NKAIN2: variants seen among roughly 807,000 people sequenced by gnomAD.
NKAIN2 encodes sodium/potassium transporting ATPase interacting 2, also known as sodium/potassium-transporting ATPase subunit beta-1-interacting protein 2.
In NKAIN2, 14 loss-of-function variants were observed where a neutral mutation model predicts 32.6. The ratio of observed to expected loss-of-function variants is 0.43; its 90% CI spans 0.28 to 0.67. NKAIN2 has a LOEUF of 0.67. Ranked by LOEUF, NKAIN2 falls within the 30% of genes least tolerant of loss-of-function variation. The pLI, the probability that NKAIN2 is intolerant of heterozygous loss-of-function variation, is 0.17. For missense variants in NKAIN2, 198 were observed against 258.3 expected (o/e 0.77, Z 1.60); for synonymous variants, 80 against 87.2 (o/e 0.92, Z 0.46).
At chr6:124,520,833 C>T (rs1779092180) in intron 3 of NKAIN2, among the ~76,000 whole-genome samples, 1 of 152,166 alleles carries the variant, frequency 6.6e-6, no homozygotes, top group African/African-American at 2.4e-5. Flanking sequence ...TATATATGCC[C>T]TTTGTTGGCA....
At chr6:124,291,722 C>T (rs985396818) in intron 2 of NKAIN2, among the ~76,000 whole-genome samples, 5 of 152,068 alleles carry the variant, frequency 3.3e-5, no homozygotes, top group African/African-American at 1.2e-4. Context: ...ATACGACAAC[C>T]TTTGTTCATC....
At chr6:123,924,358 A>G (rs1775910937) in intron 1 of NKAIN2, among the ~76,000 whole-genome samples, 1 of 152,246 alleles carries the variant, frequency 6.6e-6, no homozygotes, top group Non-Finnish European at 1.5e-5. Context: ...ATAGAATGTT[A>G]GAAACAATTT....
chr6:124,365,270 C>T (rs1292383041), intron 3 of NKAIN2, among the ~76,000 whole-genome samples: 1 of 151,524 alleles, frequency 6.6e-6, no homozygotes, highest in Non-Finnish European at 1.5e-5. Context: ...ACACAAAACC[C>T]AAATGTATTG....
At chr6:124,204,648 GA>G (rs1384970899) in intron 1 of NKAIN2, among the ~76,000 whole-genome samples, 1 of 151,682 alleles carries the variant, frequency 6.6e-6, no homozygotes, top group Non-Finnish European at 1.5e-5. Context: ...TATTCATCAA[GA>G]AGTATATTTT....
chr6:124,669,271 AC>A (rs1449813289), intron 4 of NKAIN2, among the ~76,000 whole-genome samples: 1 of 152,182 alleles, frequency 6.6e-6, no homozygotes, highest in Admixed American at 6.5e-5. Flanking sequence ...CAGTCACTCA[AC>A]AGATATTCAC....
intron 3 of NKAIN2, among the ~76,000 whole-genome samples, chr6:124,359,640 T>G (rs1340347966): frequency 6.6e-6 from 1 of 152,214 alleles, no homozygotes; most frequent in African/African-American, 2.4e-5. Flanking sequence ...GAGACTTTGC[T>G]GAAGTTGCCT....
chr6:124,764,361 G>T (rs1219399631), intron 4 of NKAIN2, among the ~76,000 whole-genome samples: 6 of 151,886 alleles, frequency 4.0e-5, no homozygotes, highest in Non-Finnish European at 5.9e-5. Flanking sequence ...TTATTTATTG[G>T]TAATAAAAAT....
At position 124,629,367 on chromosome 6, in the gene NKAIN2, T is replaced by C. The variant is rs140580433; in HGVS notation, c.274-28819T>C. 3.8e-3 allele frequency among the ~76,000 whole-genome samples: 574 copies of C among 152,262 alleles called. 2 individuals carry two copies. The highest frequency in any genetic ancestry group is 6.8e-3 in the Middle Eastern group (2 of 294). ...CTAGCCCAATGATTGACAGACAGTT[T>C]AGCTGTTGCCTTTAGAAGGCTCTGA... is the stretch of plus-strand genomic sequence containing the variant. On this transcript the variant is annotated intron_variant, in intron 3 of 6. Transcript: ENST00000368417.
At chr6:124,018,222 C>T (rs1484069029) in intron 1 of NKAIN2, among the ~76,000 whole-genome samples, 1 of 152,150 alleles carries the variant, frequency 6.6e-6, no homozygotes, top group Non-Finnish European at 1.5e-5. Flanking sequence ...GGACACAGGA[C>T]TCAAAGTCCC....
chr6:124,359,408 G>T (rs1035748556), intron 3 of NKAIN2, among the ~76,000 whole-genome samples: 2 of 152,266 alleles, frequency 1.3e-5, no homozygotes, highest in South Asian at 4.2e-4. Flanking sequence ...GCATGAGCAT[G>T]GAATGTTCTT....
At chr6:124,243,444 G>C (rs142616575) in intron 1 of NKAIN2, among the ~76,000 whole-genome samples, 2 of 151,592 alleles carry the variant, frequency 1.3e-5, no homozygotes, top group East Asian at 1.9e-4. Context: ...GCAGTGAGCC[G>C]AGATCATGCC....
At chr6:124,342,571 G>A (rs1243622933) in intron 2 of NKAIN2, among the ~76,000 whole-genome samples, 1 of 151,832 alleles carries the variant, frequency 6.6e-6, no homozygotes, top group Admixed American at 6.6e-5. Context: ...ACAGTGGGAT[G>A]ATCTTGGCTC....
At chr6:124,376,288 G>A (rs2114349015) in intron 3 of NKAIN2, among the ~76,000 whole-genome samples, 1 of 152,158 alleles carries the variant, frequency 6.6e-6, no homozygotes, top group South Asian at 2.1e-4. Context: ...TTTAGAAAAT[G>A]GCTACTTGGT....
Position 124,105,411 on chromosome 6 carries a change from T to C in NKAIN2, c.55-177594T>C, listed in dbSNP as rs560265583. 2.6e-4 allele frequency among the ~76,000 whole-genome samples: 40 copies of C among 152,184 alleles called. No individual in the cohort carries two copies. The East Asian group carries it at 7.4e-3, about 28-fold the overall frequency. ...GCGCCAGCCTCAGTTTTTGTATTAA[T>C]GGTGGTGGCAGCCCTGCAGGAACAA... On this transcript the variant is annotated intron_variant, in intron 1 of 6. Coordinates refer to ENST00000368417, the MANE Select transcript of NKAIN2 (RefSeq NM_001040214.3).
chr6:124,060,400 T>G (rs571913335), intron 1 of NKAIN2, among the ~76,000 whole-genome samples: 60 of 152,166 alleles, frequency 3.9e-4, no homozygotes, highest in African/African-American at 1.4e-3. Context: ...ATATACCACG[T>G]CCTCCACCCA....
chr6:123,886,365 T>A (rs1773713366), intron 1 of NKAIN2, among the ~76,000 whole-genome samples: 1 of 152,090 alleles, frequency 6.6e-6, no homozygotes, highest in African/African-American at 2.4e-5. Context: ...GGCATTAAAG[T>A]GATATTGAAG....
intron 1 of NKAIN2, among the ~76,000 whole-genome samples, chr6:123,953,677 C>T (rs542102829): frequency 6.6e-6 from 1 of 152,268 alleles, no homozygotes; most frequent in South Asian, 2.1e-4. Context: ...CCTAGAACCC[C>T]AGTCAGCATG....
chr6:123,961,828 G>C (rs147681304), intron 1 of NKAIN2, among the ~76,000 whole-genome samples: 1 of 152,098 alleles, frequency 6.6e-6, no homozygotes, highest in Non-Finnish European at 1.5e-5. Context: ...GGTGACTACA[G>C]ATTTGAATAT....
chr6:123,842,768 A>G (rs985972265), intron 1 of NKAIN2, among the ~76,000 whole-genome samples: 1 of 151,902 alleles, frequency 6.6e-6, no homozygotes, highest in African/African-American at 2.4e-5. Flanking sequence ...ACAGCTAAAG[A>G]CCCCATGCTA....
Sources: gnomAD v4.1 joint callset for allele counts (sites outside exome capture counted in the v4.1 genomes callset) on GRCh38, gnomAD v4.1.1 for gene constraint, MANE v1.5 for transcripts, NCBI Gene and HGNC (gene_info 2026-07-23, HGNC 2026-07-21) for gene names.